The following ZSCAN5A variants were observed in gnomAD, a reference collection of about 807,000 sequenced individuals.
The protein encoded by ZSCAN5A is zinc finger and SCAN domain containing 5A.
A neutral mutation model predicts 23.7 loss-of-function variants in ZSCAN5A; 12 were observed. The ratio of observed to expected loss-of-function variants is 0.51; its 90% CI spans 0.32 to 0.82. The LOEUF is 0.82. Ranked by LOEUF, ZSCAN5A falls within the 40% of genes least tolerant of loss-of-function variation. The pLI is 0.03. For missense variants in ZSCAN5A, 597 were observed against 617.9 expected (o/e 0.97, Z 0.36); for synonymous variants, 257 against 239.9 (o/e 1.07, Z -0.66).
chr19:56,255,388 A>C (rs901378329), intron 2 of ZSCAN5A, among the ~76,000 whole-genome samples: 2 of 152,092 alleles, frequency 1.3e-5, no homozygotes, highest in African/African-American at 2.4e-5. Flanking sequence ...GACTTTGCCC[A>C]GTCAGCCACA....
chr19:56,223,702 G>C lies in ZSCAN5A; in HGVS notation c.517C>G (p.Arg173Gly). ...CGGTGGGCCTGGCCTTCCCCTGGAC[G>C]CATCTGGTTCACCGAGGAGGCCCGT... ...SQRASSVNQMRPGEGQAHREL... is the reference protein window; with the variant it reads ...SQRASSVNQMGPGEGQAHREL... The change falls in exon 4 of 6, where the codon CGT becomes GGT. Residue 173 changes from arginine (R) to glycine (G), a missense_variant. This residue lies in a region of ZSCAN5A where 406 missense variants were observed against 353.2 expected (regional missense o/e 1.15). Coordinates refer to ENST00000683990, the MANE Select transcript of ZSCAN5A (RefSeq NM_001322064.3). The C allele has an allele frequency of 1.2e-6, 2 of 1,613,844 alleles. No homozygotes were observed. Among genetic ancestry groups the C allele is most frequent in the Non-Finnish European group, 1.7e-6 (2 of 1,179,976 alleles).
chr19:56,365,844 CAAG>C (rs1412331074), intron 1 of ZSCAN5A: 4 of 152,176 alleles, frequency 2.6e-5, no homozygotes, highest in Non-Finnish European at 5.9e-5. Flanking sequence ...TTAAAAACTC[CAAG>C]AAGACCTTGC....
intron 2 of ZSCAN5A, chr19:56,302,845 C>T (rs2147283144): frequency 2.3e-5 from 9 of 398,680 alleles, no homozygotes; most frequent in South Asian, 1.3e-4. Flanking sequence ...TTCTAAGGGA[C>T]GTTCATAAGG....
rs1187067740 is a variant in ZSCAN5A, at chr19:56,325,810, G to A, written c.-357-9542C>T. Among the ~76,000 whole-genome samples the A allele has an allele frequency of 2.0e-5, 3 of 152,286 alleles. No homozygotes were observed. In the East Asian group the frequency reaches 5.8e-4, roughly 29 times the overall value. ...CAAGAAATATTTCAAGAGGATTAGAGTGTGGTGTTAAAGAATTAAGAAGAC... is the reference window on the plus strand; with the variant it reads ...CAAGAAATATTTCAAGAGGATTAGAATGTGGTGTTAAAGAATTAAGAAGAC... On this transcript the variant is annotated intron_variant, in intron 2 of 6. Transcript: ENST00000587340.
chr19:56,311,463 A>G (rs1427978675), intron 2 of ZSCAN5A, among the ~76,000 whole-genome samples: 1 of 152,226 alleles, frequency 6.6e-6, no homozygotes, highest in Non-Finnish European at 1.5e-5. Flanking sequence ...AGCTCTGGGT[A>G]GTCACACAAC....
chr19:56,296,678 T>C (rs961231089), intron 2 of ZSCAN5A, among the ~76,000 whole-genome samples: 1 of 152,158 alleles, frequency 6.6e-6, no homozygotes, highest in Non-Finnish European at 1.5e-5. Context: ...ATAGGTCTGC[T>C]GAAGGCTATT....
rs2033135947 is a variant in ZSCAN5A, at chr19:56,221,393, A to G, written c.*182T>C. On this transcript the variant is annotated 3_prime_UTR_variant, in exon 6 of 6. Coordinates refer to ENST00000683990, the MANE Select transcript of ZSCAN5A (RefSeq NM_001322064.3). ...CTATAAGAAAACAATGGACATAATG[A>G]AACAGAAAACAAAGCTCAGTGGGGA... is the stretch of plus-strand genomic sequence containing the variant. The G allele has an allele frequency of 1.6e-6, 1 of 625,470 alleles. No homozygotes were observed. The highest frequency in any genetic ancestry group is 2.6e-6 in the Non-Finnish European group (1 of 385,756). 38.7% of individuals were successfully genotyped at this position (625,470 alleles called of 1,614,324 possible). A position where few individuals can be genotyped will look rare whatever the true frequency, so the allele number is the denominator to read the frequency against.
chr19:56,267,469 G>C (rs571527822), intron 2 of ZSCAN5A, among the ~76,000 whole-genome samples: 1 of 152,296 alleles, frequency 6.6e-6, no homozygotes, highest in South Asian at 2.1e-4. Flanking sequence ...TTACCACGTA[G>C]CTATTTAGAT....
intron 1 of ZSCAN5A, among the ~76,000 whole-genome samples, chr19:56,366,242 AC>A (rs1358285003): frequency 6.6e-6 from 1 of 152,018 alleles, no homozygotes; most frequent in Non-Finnish European, 1.5e-5. Context: ...AGAGATCGAG[AC>A]CATCCTGGCT....
At chr19:56,324,466 A>G (rs2041413993) in intron 2 of ZSCAN5A, among the ~76,000 whole-genome samples, 1 of 152,162 alleles carries the variant, frequency 6.6e-6, no homozygotes, top group African/African-American at 2.4e-5. Context: ...AATGGCTTTT[A>G]TCAGAAAGCC....
chr19:56,333,059 A>G (rs1274916352), intron 2 of ZSCAN5A, among the ~76,000 whole-genome samples: 2 of 151,712 alleles, frequency 1.3e-5, no homozygotes, highest in Admixed American at 6.6e-5. Context: ...TTTGTGCATA[A>G]TCTAACATTT....
At chr19:56,246,680 G>A in intron 2 of ZSCAN5A, 1 of 901,484 alleles carries the variant, frequency 1.1e-6, no homozygotes, top group African/African-American at 1.7e-5. Flanking sequence ...TGAGTTTGGT[G>A]TATTGAAAAT....
At chr19:56,327,122 C>A (rs368397395) in intron 2 of ZSCAN5A, among the ~76,000 whole-genome samples, 6 of 151,596 alleles carry the variant, frequency 4.0e-5, no homozygotes, top group African/African-American at 1.5e-4. Context: ...TTACTACATT[C>A]GTCATGCTAT....
At chr19:56,259,370 T>C (rs1221802000) in intron 2 of ZSCAN5A, among the ~76,000 whole-genome samples, 2 of 152,164 alleles carry the variant, frequency 1.3e-5, no homozygotes, top group African/African-American at 2.4e-5. Context: ...GGCTGCACCC[T>C]GTAATTCTGA....
At chr19:56,269,901 T>A (rs2037725391) in intron 2 of ZSCAN5A, among the ~76,000 whole-genome samples, 3 of 152,224 alleles carry the variant, frequency 2.0e-5, no homozygotes, top group Admixed American at 2.0e-4. Context: ...AACTGTATGA[T>A]AATAAATCTA....
At chr19:56,328,994 CAAAAAAAA>C (rs61646242) in intron 2 of ZSCAN5A, among the ~76,000 whole-genome samples, 2 of 106,384 alleles carry the variant, frequency 1.9e-5, no homozygotes, top group East Asian at 2.4e-4. Flanking sequence ...GACTCCGTCT[CAAAAAAAA>C]AAAAAAATAA....
At chr19:56,246,833 C>T (rs1055720467) in intron 2 of ZSCAN5A, 1 of 1,611,466 alleles carries the variant, frequency 6.2e-7, no homozygotes. Context: ...GAGAGAGAAG[C>T]TTCGACTCAC....
At chr19:56,257,048 G>GT (rs2036752327) in intron 2 of ZSCAN5A, among the ~76,000 whole-genome samples, 1 of 152,150 alleles carries the variant, frequency 6.6e-6, no homozygotes, top group South Asian at 2.1e-4. Flanking sequence ...GAATACCTGC[G>GT]TAAGGGCTCT....
chr19:56,275,987 A>G (rs1462529720), intron 2 of ZSCAN5A, among the ~76,000 whole-genome samples: 1 of 152,150 alleles, frequency 6.6e-6, no homozygotes, highest in African/African-American at 2.4e-5. Context: ...GGACACTTCT[A>G]TCTCTGGTCT....
Sources: allele counts gnomAD v4.1 joint callset (sites outside exome capture counted in the v4.1 genomes callset), GRCh38; gene constraint gnomAD v4.1.1; regional missense constraint gnomAD v4.1.1; transcripts MANE v1.5; gene names NCBI Gene and HGNC (gene_info 2026-07-23, HGNC 2026-07-21).